Variants in CLBA1 observed in about 807,000 individuals in gnomAD.
CLBA1 encodes uncharacterized protein CLBA1.
Under a neutral mutation model 28.8 loss-of-function variants are expected in CLBA1, and 30 were observed. The observed-to-expected ratio is 1.04, with a 90% confidence interval of 0.78 to 1.41. The LOEUF is 1.41. CLBA1 is among the 40% of genes most tolerant of loss of function. CLBA1 has a pLI of 0.00. For synonymous variants in CLBA1, 160 were observed against 152.8 expected (o/e 1.05, Z -0.35); for missense variants, 451 against 412.3 (o/e 1.09, Z -0.81).
At chr14:104,987,248 A>C (rs1410600204) in intron 1 of CLBA1, among the ~76,000 whole-genome samples, 1 of 152,256 alleles carries the variant, frequency 6.6e-6, no homozygotes, top group Non-Finnish European at 1.5e-5. Context: ...AGATTCTAAA[A>C]TCACATGATC....
chr14:104,991,909 T>TCATGACACTGCCGCCGCCACGCA (rs1900035063), intron 3 of CLBA1, among the ~76,000 whole-genome samples: 1 of 152,080 alleles, frequency 6.6e-6, no homozygotes, highest in South Asian at 2.1e-4. Context: ...GTGTGTGCAC[T>TCATGACACTGCCGCCGCCACGCA]CATGCCACTG....
downstream of CLBA1, among the ~76,000 whole-genome samples, chr14:104,998,252 TA>T (rs11365618): frequency 0.079 from 11,165 of 141,676 alleles, 1,416 homozygotes; most frequent in African/African-American, 0.27. Context: ...TACAAAAAAG[TA>T]AAAAAAAAAA....
intron 2 of CLBA1, chr14:104,990,394 G>A (rs1173019445): frequency 6.6e-6 from 1 of 152,286 alleles, no homozygotes; most frequent in Non-Finnish European, 1.5e-5. Flanking sequence ...CCGTCTCCTA[G>A]GCTTAAGCGA....
downstream of CLBA1, among the ~76,000 whole-genome samples, chr14:104,997,064 C>G (rs768549822): frequency 9.9e-5 from 15 of 152,090 alleles, no homozygotes; most frequent in Non-Finnish European, 1.9e-4. Context: ...CAGAGTCAGC[C>G]CCAGTGGTAA....
chr14:104,999,760 A>G (rs867783852), downstream of CLBA1, among the ~76,000 whole-genome samples: 1 of 152,274 alleles, frequency 6.6e-6, no homozygotes, highest in Non-Finnish European at 1.5e-5. Flanking sequence ...AAACTGAATA[A>G]TGAAAATGGC....
At chr14:104,999,327 C>G (rs958559825), downstream of CLBA1, 2 of 805,926 alleles carry the variant, frequency 2.5e-6, no homozygotes, top group African/African-American at 3.7e-5. Context: ...GAGCCGTCAG[C>G]CACATCAGAG....
rs1045315430 is a variant in CLBA1 at position 104,991,546 on chromosome 14, T to A, written c.625T>A (p.Ser209Thr). 1.2e-6 allele frequency: 2 copies of A among 1,614,036 alleles called. No individual in the cohort carries two copies. The highest frequency in any genetic ancestry group is 1.7e-6 in the Non-Finnish European group (2 of 1,179,928). ...ALQSIHTTST[S>T]QRLWSESRCQ... ...TCAGAGCATACACACCACGTCTACT[T>A]CTCAGCGCCTCTGGAGCGAGTCCCG... The change falls in exon 3 of 5, where the codon TCT becomes ACT. Residue 209 changes from serine to threonine, a missense_variant. By Grantham distance (58) the Ser-to-Thr change is moderately conservative. Transcript: ENST00000547315.
chr14:104,988,634 C>T (rs535507396), intron 1 of CLBA1, among the ~76,000 whole-genome samples: 1 of 152,196 alleles, frequency 6.6e-6, no homozygotes, highest in African/African-American at 2.4e-5. Flanking sequence ...CCACCGCGCC[C>T]GGCCGCATGT....
Position 104,989,015 on chromosome 14 carries a change from GT to G in CLBA1, c.499del (p.Ser167ProfsTer3), listed in dbSNP as rs1484616158. ...AACAGTCCAGCAGGCAGCTGAAGAC[GT>G]TTCCACCATAGACCATTTCCTAGAA... ...EITVQQAAEDVSTIDHFLEIS... is the reference protein window; with the variant it reads ...EITVQQAAEDXSTIDHFLEIS... On this transcript the variant is annotated frameshift_variant, in exon 2 of 5. Coordinates refer to ENST00000547315, the MANE Select transcript of CLBA1 (RefSeq NM_174891.4). LOFTEE classifies it high-confidence loss of function. 6.2e-7 allele frequency: 1 copy of G among 1,613,336 alleles called. No homozygotes were observed. Among genetic ancestry groups the G allele is most frequent in the African/African-American group, 1.3e-5 (1 of 74,896 alleles).
chr14:104,996,493 G>A (rs1464531431), downstream of CLBA1, among the ~76,000 whole-genome samples: 2 of 152,230 alleles, frequency 1.3e-5, no homozygotes, highest in African/African-American at 2.4e-5. Flanking sequence ...ACACTCCCTC[G>A]AGAACGCCCC....
chr14:104,994,145 C>T, intron 4 of CLBA1: 1 of 985,462 alleles, frequency 1.0e-6, no homozygotes, highest in Non-Finnish European at 1.2e-6. Flanking sequence ...GGAGGGTTAT[C>T]CTAGAGCAGC....
chr14:104,994,112 T>G (rs1315582239), intron 4 of CLBA1: 2 of 985,206 alleles, frequency 2.0e-6, no homozygotes, highest in African/African-American at 3.5e-5. Flanking sequence ...GCTGTCCATC[T>G]TTTTGAAAAG....
At chr14:104,987,876 A>C (rs1899911337) in intron 1 of CLBA1, among the ~76,000 whole-genome samples, 2 of 150,898 alleles carry the variant, frequency 1.3e-5, no homozygotes, top group South Asian at 2.1e-4. Context: ...ACCTCAGGTG[A>C]TCCGCCCGCC....
chr14:104,993,144 G>T lies in CLBA1; in HGVS notation c.816+80G>T. 10 of 1,547,012 alleles carry T rather than the reference G, an allele frequency of 6.5e-6. No homozygotes were observed. The South Asian group carries it at 1.2e-4, about 19-fold the overall frequency. On this transcript the variant is annotated intron_variant, in intron 4 of 4. Coordinates refer to ENST00000547315, the MANE Select transcript of CLBA1 (RefSeq NM_174891.4). ...TGTGGAGCCCTCCGCTTTCTCTGAT[G>T]TGAGTCAGTTGCTTGTTTTCTTCCT...
At chr14:105,001,222 G>A (rs1382654875) in intron 2 of CLBA1, among the ~76,000 whole-genome samples, 1 of 152,224 alleles carries the variant, frequency 6.6e-6, no homozygotes, top group Admixed American at 6.5e-5. Flanking sequence ...CTCGCCAGGT[G>A]TGGTGGCTCA....
chr14:104,999,048 A>G (rs1344390092), downstream of CLBA1, among the ~76,000 whole-genome samples: 1 of 152,226 alleles, frequency 6.6e-6, no homozygotes, highest in Non-Finnish European at 1.5e-5. Flanking sequence ...TGGACACTCT[A>G]TCCAGGGCCC....
chr14:104,993,942 CAGG>C (rs1000834875), intron 4 of CLBA1: 2 of 985,228 alleles, frequency 2.0e-6, no homozygotes, highest in African/African-American at 3.5e-5. Flanking sequence ...TTGCATAGCA[CAGG>C]AGGCAGCCAG....
At chr14:104,993,504 G>C in intron 4 of CLBA1, 1 of 985,408 alleles carries the variant, frequency 1.0e-6, no homozygotes, top group Non-Finnish European at 1.2e-6. Flanking sequence ...CCCTACACAG[G>C]GTCTGCCCAC....
chr14:104,993,830 A>G lies in CLBA1; in HGVS notation c.816+766A>G, dbSNP rs146431254. 1.3e-4 allele frequency: 133 copies of G among 985,442 alleles called. 2 individuals carry two copies. Among genetic ancestry groups the G allele is most frequent in the South Asian group, 9.4e-4 (20 of 21,290 alleles). 61.0% of individuals were successfully genotyped at this position (985,442 alleles called of 1,614,324 possible). A position where few individuals can be genotyped will look rare whatever the true frequency, so the allele number is the denominator to read the frequency against. On this transcript the variant is annotated intron_variant, in intron 4 of 4. Transcript: ENST00000547315. The stretch of plus-strand genomic sequence containing the variant: ...TGGGAGGGGCGCATGGGCGGCTGTG[A>G]GCATGAAGAGTGACATGCAGGGAGG...
Sources: allele counts gnomAD v4.1 joint callset (sites outside exome capture counted in the v4.1 genomes callset), GRCh38; gene constraint gnomAD v4.1.1; transcripts MANE v1.5; gene names NCBI Gene and HGNC (gene_info 2026-07-23, HGNC 2026-07-21).